The following ULK2 variants were observed in gnomAD, a reference collection of about 807,000 sequenced individuals.
The protein encoded by ULK2 is serine/threonine-protein kinase ULK2.
ULK2 carries 76 observed loss-of-function variants against 127.5 expected under a neutral mutation model. The observed-to-expected ratio is 0.60, with a 90% CI of 0.50 to 0.72. The LOEUF is 0.72. Ranked by LOEUF, ULK2 falls within the 30% of genes least tolerant of loss-of-function variation. The probability of loss-of-function intolerance (pLI) is 0.00; values close to 1 mark genes in which losing one functional copy is unlikely to be tolerated. For missense variants in ULK2, 1,144 were observed against 1,295.9 expected, an observed-to-expected ratio of 0.88 and a Z score of 1.80; for synonymous variants, 452 against 461.9, an observed-to-expected ratio of 0.98 and a Z score of 0.28.
chr17:19,800,530 T>G (rs1453757386), intron 16 of ULK2, among the ~76,000 whole-genome samples: 1 of 152,138 alleles, frequency 6.6e-6, no homozygotes, highest in Non-Finnish European at 1.5e-5. Flanking sequence ...AAAATTTTAT[T>G]TAAAGATTTT....
At chr17:19,864,757 TAA>T in intron 3 of ULK2, 44 bp downstream of exon 3, 1 of 909,820 alleles carries the variant, frequency 1.1e-6, no homozygotes, top group Non-Finnish European at 1.5e-6. Context: ...TGTATGAAAT[TAA>T]AAAAAATTTA....
intron 9 of ULK2, chr17:19,840,303 A>T: frequency 1.9e-6 from 1 of 525,118 alleles, no homozygotes; most frequent in South Asian, 1.4e-5. Flanking sequence ...CAGAGGGCTC[A>T]TCGAAGATCC....
In ULK2 at chr17:19,775,257, T is replaced by C. The variant is rs2086794061; in HGVS notation, c.*1092A>G. 1 of 152,710 alleles carries C rather than the reference T, an allele frequency of 6.5e-6. No individual in the cohort carries two copies. Among genetic ancestry groups the C allele is most frequent in the African/African-American group, 2.4e-5 (1 of 41,558 alleles). The allele number at this position is 152,710 out of a possible 1,614,324, so 9.5% of individuals were successfully genotyped here. ...ATTTGGTGAACTGTCAGAATTAACA[T>C]GAAAAATACACATTAGGCAGAAGAC... On this transcript the variant is annotated 3_prime_UTR_variant, in exon 27 of 27. Coordinates refer to ENST00000395544, the MANE Select transcript of ULK2 (RefSeq NM_014683.4).
At chr17:19,835,607 C>A (rs2152395443) in intron 10 of ULK2, among the ~76,000 whole-genome samples, 1 of 150,854 alleles carries the variant, frequency 6.6e-6, no homozygotes, top group East Asian at 2.0e-4. Flanking sequence ...GCCCCAGCTA[C>A]TCGGGAGGCT....
chr17:19,827,514 T>C (rs1404967600), intron 10 of ULK2, among the ~76,000 whole-genome samples: 1 of 152,234 alleles, frequency 6.6e-6, no homozygotes, highest in African/African-American at 2.4e-5. Context: ...CTTTTTTCCC[T>C]AAAAACTACA....
intron 15 of ULK2, among the ~76,000 whole-genome samples, chr17:19,802,967 A>G (rs2087432528): frequency 6.6e-6 from 1 of 152,188 alleles, no homozygotes; most frequent in Admixed American, 6.5e-5. Flanking sequence ...TATCACCCTC[A>G]ATTTTAAAAG....
chr17:19,781,079 T>G lies in ULK2; in HGVS notation c.2665A>C (p.Met889Leu). 1.2e-6 allele frequency: 2 copies of G among 1,613,712 alleles called. No homozygotes were observed. Among genetic ancestry groups the G allele is most frequent in the Non-Finnish European group, 1.7e-6 (2 of 1,179,816 alleles). Reference sequence around the variant, plus strand: ...GCCGCAAGCAGCTGTGCTGCTTTCATGTACAACACCAGCTGCTCCACCCGC... The same window carrying G: ...GCCGCAAGCAGCTGTGCTGCTTTCAGGTACAACACCAGCTGCTCCACCCGC... The part of the protein sequence containing the change: ...WGRVEQLVLY[M>L]KAAQLLAASL... Residue 889 changes from methionine to leucine, a missense_variant, in exon 24 of 27, where the codon ATG becomes CTG. By Grantham distance (15) the Met-to-Leu change is conservative (BLOSUM62 2). Coordinates refer to ENST00000395544, the MANE Select transcript of ULK2 (RefSeq NM_014683.4).
At position 19,782,139 on chromosome 17, in the gene ULK2, C is replaced by T. The variant is rs189713260; in HGVS notation, c.2461-72G>A. ...GTACATACTCATTTCTGTACATAAA[C>T]CATGGCCGCTGATCATGTTTTCTAT... On this transcript the variant is annotated intron_variant, in intron 22 of 26. Coordinates refer to ENST00000395544, the MANE Select transcript of ULK2 (RefSeq NM_014683.4). The T allele has an allele frequency of 3.5e-6, 5 of 1,417,962 alleles. No individual in the cohort carries two copies. In the East Asian group the frequency reaches 1.2e-4, roughly 34 times the overall value. The allele number at this position is 1,417,962 out of a possible 1,614,324, so 87.8% of individuals were successfully genotyped here.
chr17:19,779,928 C>T (rs2086884954), intron 25 of ULK2, among the ~76,000 whole-genome samples: 2 of 152,028 alleles, frequency 1.3e-5, no homozygotes, highest in African/African-American at 2.4e-5. Context: ...AATCCCAGCA[C>T]TTTGGGAGGC....
intron 20 of ULK2, among the ~76,000 whole-genome samples, chr17:19,787,891 T>TAA (rs2087068903): frequency 6.6e-6 from 1 of 152,118 alleles, no homozygotes; most frequent in Non-Finnish European, 1.5e-5. Context: ...GGCAAGGAAA[T>TAA]AATCTGTGTA....
At chr17:19,821,515 T>C (rs927133852) in intron 12 of ULK2, among the ~76,000 whole-genome samples, 1 of 152,184 alleles carries the variant, frequency 6.6e-6, no homozygotes, top group Non-Finnish European at 1.5e-5. Flanking sequence ...ATCACATGCC[T>C]GTGTATCTCA....
chr17:19,793,542 A>G (rs2087202914), intron 20 of ULK2, among the ~76,000 whole-genome samples: 3 of 152,350 alleles, frequency 2.0e-5, no homozygotes, highest in Middle Eastern at 3.4e-3. Flanking sequence ...TACATCTTAC[A>G]CTTTTAAAAT....
chr17:19,826,168 G>T lies in ULK2; in HGVS notation c.806C>A (p.Pro269His). The T allele has an allele frequency of 6.8e-7, 1 of 1,475,094 alleles. No individual in the cohort carries two copies. The highest frequency in any genetic ancestry group is 9.1e-7 in the Non-Finnish European group (1 of 1,103,300). The allele number at this position is 1,475,094 out of a possible 1,614,324, so 91.4% of individuals were successfully genotyped here. The change falls in exon 11 of 27, where the codon CCT becomes CAT. Residue 269 changes from proline (P) to histidine (H), a missense_variant. Physicochemically the swap from Pro to His is moderately conservative, Grantham distance 77. Coordinates refer to ENST00000395544, the MANE Select transcript of ULK2 (RefSeq NM_014683.4). ...TTTTACTGGACCTTGCTCAAGAAAA[G>T]GATGGCTAAAAAATGCTTCTGTAAC... ...RMDFEAFFSH[P>H]FLEQGPVKKS... is the part of the protein sequence containing the mutation.
At chr17:19,840,240 A>T (rs556799529) in intron 9 of ULK2, 1 of 511,916 alleles carries the variant, frequency 2.0e-6, no homozygotes, top group Non-Finnish European at 4.0e-6. Flanking sequence ...GCAGTTGGCC[A>T]TAAGAGCCGG....
chr17:19,816,682 G>GT, intron 13 of ULK2, 67 bp downstream of exon 13: 5 of 1,406,886 alleles, frequency 3.6e-6, no homozygotes, highest in South Asian at 1.8e-5. Flanking sequence ...TAATATATGG[G>GT]TTAAAAAAAA....
chr17:19,851,348 A>G (rs1356365364), intron 3 of ULK2, among the ~76,000 whole-genome samples: 1 of 146,040 alleles, frequency 6.8e-6, no homozygotes, highest in African/African-American at 2.5e-5. Flanking sequence ...AAAAAAAAAA[A>G]AAAATTAGGC....
At chr17:19,778,836 CAAGGAAA>C (rs2152380898) in intron 25 of ULK2, among the ~76,000 whole-genome samples, 1 of 152,076 alleles carries the variant, frequency 6.6e-6, no homozygotes, top group African/African-American at 2.4e-5. Context: ...AGAGCCAGGA[CAAGGAAA>C]AAGAAAAAAA....
At position 19,784,513 on chromosome 17, in the gene ULK2, CTTTTTTTTTT is replaced by C. The variant is rs563736244; in HGVS notation, c.2252-618_2252-609del. Among the ~76,000 whole-genome samples the C allele has an allele frequency of 2.6e-3, 116 of 45,120 alleles. 5 individuals carry two copies. In the East Asian group the frequency reaches 0.04, roughly 15 times the overall value. 29.6% of individuals were successfully genotyped at this position (45,120 alleles called of 152,430 possible). A position where few individuals can be genotyped will look rare whatever the true frequency, so the allele number is the denominator to read the frequency against. On this transcript the variant is annotated intron_variant, in intron 21 of 26. Transcript: ENST00000395544. ...AACCTCAATAACACTGGACATGATA[CTTTTTTTTTT>C]TTTTTTTTTTTTTTTTTTTTGAGTC...
chr17:19,860,681 T>C (rs1437424059), intron 3 of ULK2, among the ~76,000 whole-genome samples: 2 of 151,874 alleles, frequency 1.3e-5, no homozygotes, highest in Non-Finnish European at 2.9e-5. Context: ...TGTGCCACCA[T>C]GCCCAGCTAA....
Sources: gnomAD v4.1 joint callset for allele counts (sites outside exome capture counted in the v4.1 genomes callset) on GRCh38, gnomAD v4.1.1 for gene constraint, MANE v1.5 for transcripts, NCBI Gene and HGNC (gene_info 2026-07-23, HGNC 2026-07-21) for gene names.